The following LPIN1 variants were observed in gnomAD, a reference collection of about 807,000 sequenced individuals.
LPIN1 encodes the protein lipin 1.
LPIN1 carries 71 observed loss-of-function variants against 107.5 expected under a neutral mutation model. The ratio of observed to expected loss-of-function variants is 0.66; its 90% CI spans 0.55 to 0.80. LPIN1 has a LOEUF of 0.80. Among genes scored for constraint, LPIN1 ranks in the 30% least tolerant of loss-of-function variants. The pLI, the probability that LPIN1 is intolerant of heterozygous loss-of-function variation, is 0.00. For missense variants in LPIN1, 1,043 were observed against 1,160.6 expected (o/e 0.90, Z 1.47); for synonymous variants, 445 against 452.6 (o/e 0.98, Z 0.21).
Position 11,819,472 on chromosome 2 carries a change from T to C in LPIN1, c.2403-12T>C. On this transcript the variant is annotated splice_polypyrimidine_tract_variant and intron_variant, in intron 18 of 20. Transcript: ENST00000674199. ...GCCTCTCATGTTAATCTGTTATTTA[T>C]TTGTTTAACAGAGAAGTGATTGAAA... The C allele has an allele frequency of 6.6e-7, 1 of 1,503,864 alleles. No homozygotes were observed. Among genetic ancestry groups the C allele is most frequent in the East Asian group, 2.3e-5 (1 of 44,406 alleles). The allele number at this position is 1,503,864 out of a possible 1,614,324, so 93.2% of individuals were successfully genotyped here. A position where few individuals can be genotyped will look rare whatever the true frequency, so the allele number is the denominator to read the frequency against.
chr2:11,793,785 T>A (rs1431536618), intron 13 of LPIN1, among the ~76,000 whole-genome samples: 1 of 152,214 alleles, frequency 6.6e-6, no homozygotes, highest in African/African-American at 2.4e-5. Context: ...GATAATTATG[T>A]AATTACTAGC....
chr2:11,765,045 A>G lies in LPIN1; in HGVS notation c.-9-488A>G, dbSNP rs965019778. On this transcript the variant is annotated intron_variant, in intron 1 of 20. Coordinates refer to ENST00000674199, the MANE Select transcript of LPIN1 (RefSeq NM_001349206.2). The surrounding 1 kb of genome is among the most constrained non-coding windows in gnomAD (Gnocchi z 4.4). The stretch of plus-strand genomic sequence containing the variant: ...CCGTGATGGGCCATGATGGGCTGTG[A>G]TGGATCCTGATGGGCCGTGATGGGC... Among the ~76,000 whole-genome samples the G allele has an allele frequency of 8.6e-5, 13 of 151,992 alleles. No individual in the cohort carries two copies. The highest frequency in any genetic ancestry group is 3.1e-4 in the African/African-American group (13 of 41,356).
chr2:11,749,844 C>A (rs1366062162), intron 1 of LPIN1, among the ~76,000 whole-genome samples: 1 of 152,220 alleles, frequency 6.6e-6, no homozygotes, highest in Admixed American at 6.5e-5. Context: ...GTGGATTTTT[C>A]AACCCACTGA....
intron 6 of LPIN1, 21 bp downstream of exon 6, chr2:11,776,214 A>G (rs1158172294): frequency 1.1e-5 from 15 of 1,427,784 alleles, no homozygotes; most frequent in Admixed American, 1.0e-4. Flanking sequence ...TATTTTCCCC[A>G]TTGGGATATA....
intron 1 of LPIN1, among the ~76,000 whole-genome samples, chr2:11,751,714 T>C (rs1393356223): frequency 6.6e-6 from 1 of 152,132 alleles, no homozygotes. Flanking sequence ...TTAGCCAGGC[T>C]GGTGGCAGGC....
Position 11,683,513 on chromosome 2 carries a change from A to G in LPIN1, c.81+5785A>G, listed in dbSNP as rs185694521. On this transcript the variant is annotated intron_variant, in intron 1 of 21. Transcript: ENST00000449576. The stretch of plus-strand genomic sequence containing the variant: ...TTGGGAGCAGATGGCCTGGAGTTGA[A>G]CGTGAGGGATGGGGATGAGGGACTG... Among the ~76,000 whole-genome samples, 5 of 152,248 alleles carry G rather than the reference A, an allele frequency of 3.3e-5. No homozygotes were observed. In the East Asian group the frequency reaches 9.7e-4, roughly 29 times the overall value.
intron 1 of LPIN1, among the ~76,000 whole-genome samples, chr2:11,749,639 T>C (rs561110924): frequency 3.3e-5 from 5 of 152,330 alleles, no homozygotes; most frequent in Non-Finnish European, 7.3e-5. Context: ...CAATGAGGTA[T>C]GTGGCCCAGG....
At chr2:11,731,467 T>A (rs937521521) in intron 1 of LPIN1, among the ~76,000 whole-genome samples, 3 of 152,228 alleles carry the variant, frequency 2.0e-5, no homozygotes, top group Admixed American at 6.5e-5. Context: ...CTTTATCCAG[T>A]CTATCATTGA....
In LPIN1 at chr2:11,771,888, A is replaced by G. The variant is rs966089822; in HGVS notation, c.596+209A>G. On this transcript the variant is annotated intron_variant, in intron 4 of 20. Coordinates refer to ENST00000674199, the MANE Select transcript of LPIN1 (RefSeq NM_001349206.2). This position sits in a 1 kb window ranked among gnomAD's most constrained non-coding sequence, Gnocchi z 4.8. The stretch of plus-strand genomic sequence containing the variant: ...GATGGTTTTAGGAGGACTCAAGCAT[A>G]TTACATTTATTGTGCTCTTTATTTC... 1.3e-5 allele frequency among the ~76,000 whole-genome samples: 2 copies of G among 152,206 alleles called. No individual in the cohort carries two copies. The highest frequency in any genetic ancestry group is 1.3e-4 in the Admixed American group (2 of 15,288).
intron 4 of LPIN1, among the ~76,000 whole-genome samples, chr2:11,772,108 G>A (rs770426244): frequency 1.3e-5 from 2 of 152,124 alleles, no homozygotes; most frequent in African/African-American, 4.8e-5. Context: ...TTCACAACAG[G>A]GTTCGTGCTC....
rs372806598 is a variant in LPIN1, at chr2:11,767,867, G to T, written c.288+9G>T. On this transcript the variant is annotated intron_variant, in intron 3 of 20. Transcript: ENST00000674199. Reference sequence around the variant, plus strand: ...AAACAGATAATGATCAGGTAAGGAAGCCTGGGTGGTCAGGGTTACTTCCTA... The same window carrying T: ...AAACAGATAATGATCAGGTAAGGAATCCTGGGTGGTCAGGGTTACTTCCTA... The T allele has an allele frequency of 1.7e-5, 27 of 1,562,588 alleles. No individual in the cohort carries two copies. The highest frequency in any genetic ancestry group is 2.4e-5 in the Non-Finnish European group (27 of 1,133,070).
chr2:11,807,530 G>A (rs983418478), intron 17 of LPIN1, among the ~76,000 whole-genome samples: 16 of 145,228 alleles, frequency 1.1e-4, no homozygotes, highest in African/African-American at 3.3e-4. Flanking sequence ...TTTTTTTTTG[G>A]TCTTGATTTG....
chr2:11,692,302 C>T (rs927531559), intron 1 of LPIN1, among the ~76,000 whole-genome samples: 2 of 120,926 alleles, frequency 1.7e-5, no homozygotes, highest in Non-Finnish European at 3.0e-5. Context: ...ATACTTGGCA[C>T]ATACTTGGCA....
chr2:11,799,100 G>A (rs764325629), intron 14 of LPIN1, among the ~76,000 whole-genome samples: 5 of 152,184 alleles, frequency 3.3e-5, no homozygotes, highest in Admixed American at 6.5e-5. Context: ...GCAGGGTGGC[G>A]CAATCTGAGA....
chr2:11,776,447 T>A (rs1032353168), intron 6 of LPIN1, among the ~76,000 whole-genome samples: 45 of 151,712 alleles, frequency 3.0e-4, no homozygotes, highest in Non-Finnish European at 4.9e-4. Flanking sequence ...TTTTTTTTTT[T>A]AATTCCTAAA....
chr2:11,781,019 T>G (rs1028305047), intron 7 of LPIN1, among the ~76,000 whole-genome samples: 1 of 152,242 alleles, frequency 6.6e-6, no homozygotes, highest in Non-Finnish European at 1.5e-5. Context: ...ATAAGCATCT[T>G]GAATTATGTT....
chr2:11,713,705 C>T (rs2148526212), intron 1 of LPIN1: 2 of 1,120,210 alleles, frequency 1.8e-6, no homozygotes, highest in East Asian at 2.6e-5. Context: ...TTACCACCAC[C>T]TAATTCCAGA....
chr2:11,755,300 C>T (rs1572593491), intron 1 of LPIN1, among the ~76,000 whole-genome samples: 1 of 152,110 alleles, frequency 6.6e-6, no homozygotes, highest in East Asian at 1.9e-4. Context: ...AGTGCTTTTC[C>T]CCCTCGTGCC....
At position 11,803,822 on chromosome 2, in the gene LPIN1, G is replaced by C. The variant is rs986224062; in HGVS notation, c.2014-601G>C. The stretch of plus-strand genomic sequence containing the variant: ...GGTGTGCACCAGGAGTCCTGGCACA[G>C]AGACTCAAAACTGCTCAAAAGTCAC... On this transcript the variant is annotated intron_variant, in intron 15 of 20. Coordinates refer to ENST00000674199, the MANE Select transcript of LPIN1 (RefSeq NM_001349206.2). This position sits in a 1 kb window ranked among gnomAD's most constrained non-coding sequence, Gnocchi z 4.2. 5.3e-5 allele frequency among the ~76,000 whole-genome samples: 8 copies of C among 152,178 alleles called. No individual in the cohort carries two copies. Among genetic ancestry groups the C allele is most frequent in the Non-Finnish European group, 1.2e-4 (8 of 68,042 alleles).
Sources: gnomAD v4.1 joint callset for allele counts (sites outside exome capture counted in the v4.1 genomes callset) on GRCh38, gnomAD v4.1.1 for gene constraint, Gnocchi (gnomAD v3.1) non-coding constraint, MANE v1.5 for transcripts, NCBI Gene and HGNC (gene_info 2026-07-23, HGNC 2026-07-21) for gene names.